Variants in TAX1BP1 observed in about 807,000 individuals in gnomAD.
TAX1BP1 encodes the protein Tax1 binding protein 1, also known as tax1-binding protein 1.
Under a neutral mutation model 97.7 loss-of-function variants are expected in TAX1BP1, and 62 were observed. The ratio of observed to expected loss-of-function variants is 0.63; its 90% CI spans 0.52 to 0.78. The LOEUF (loss-of-function observed/expected upper bound fraction) is 0.78, where lower values mean the gene tolerates loss of function less well. Among genes scored for constraint, TAX1BP1 ranks in the 30% least tolerant of loss-of-function variants. TAX1BP1 has a pLI of 0.00. For missense variants in TAX1BP1, 867 were observed against 916.1 expected (o/e 0.95, Z 0.69); for synonymous variants, 340 against 304.2 (o/e 1.12, Z -1.23).
At chr7:27,739,842 C>CCAG (rs1414449285), upstream of TAX1BP1, 1 of 152,284 alleles carries the variant, frequency 6.6e-6, no homozygotes, top group African/African-American at 2.4e-5. Flanking sequence ...GTCCATGGAC[C>CCAG]TCTGAGCTGC....
At chr7:27,752,798 A>G (rs1282738085) in intron 2 of TAX1BP1, among the ~76,000 whole-genome samples, 6 of 152,340 alleles carry the variant, frequency 3.9e-5, no homozygotes, top group African/African-American at 1.4e-4. Flanking sequence ...GGTTCAGAGA[A>G]TAAAGTGACT....
intron 5 of TAX1BP1, among the ~76,000 whole-genome samples, chr7:27,777,914 G>T (rs1789095910): frequency 6.6e-6 from 1 of 152,176 alleles, no homozygotes; most frequent in African/African-American, 2.4e-5. Context: ...TAGTTTTCAG[G>T]TGGTAGAGTT....
chr7:27,828,136 C>A (rs888632843), intron 16 of TAX1BP1, among the ~76,000 whole-genome samples: 1 of 152,150 alleles, frequency 6.6e-6, no homozygotes, highest in Admixed American at 6.5e-5. Flanking sequence ...TAATAATGCA[C>A]CAATGATCTT....
In TAX1BP1 at chr7:27,748,428, T is replaced by G. The variant is rs1268318253; in HGVS notation, c.-7-90T>G. The G allele has an allele frequency of 3.3e-6, 3 of 902,804 alleles. No individual in the cohort carries two copies. In the East Asian group the frequency reaches 9.4e-5, roughly 28 times the overall value. 55.9% of individuals were successfully genotyped at this position (902,804 alleles called of 1,614,324 possible). ...CTTAATTATGACATGCAAATATTCA[T>G]GAAACTTATATTAAATATTATGTAT... is the stretch of plus-strand genomic sequence containing the variant. On this transcript the variant is annotated intron_variant, in intron 1 of 16. Transcript: ENST00000396319.
intron 15 of TAX1BP1, among the ~76,000 whole-genome samples, chr7:27,821,310 C>G (rs573646474): frequency 1.3e-5 from 2 of 152,096 alleles, no homozygotes; most frequent in Non-Finnish European, 2.9e-5. Context: ...GCCTATTAAA[C>G]TATTTAAAAT....
chr7:27,797,612 G>A (rs1256953816), intron 12 of TAX1BP1, among the ~76,000 whole-genome samples: 1 of 151,636 alleles, frequency 6.6e-6, no homozygotes, highest in Non-Finnish European at 1.5e-5. Context: ...CTTATAAATA[G>A]CAAAATCTTT....
At chr7:27,748,973 A>C (rs1787925979) in intron 2 of TAX1BP1, among the ~76,000 whole-genome samples, 1 of 152,162 alleles carries the variant, frequency 6.6e-6, no homozygotes, top group African/African-American at 2.4e-5. Context: ...GCAATAAAAA[A>C]AGATCTTTTT....
At chr7:27,817,916 A>G (rs548158350) in intron 15 of TAX1BP1, among the ~76,000 whole-genome samples, 72 of 152,272 alleles carry the variant, frequency 4.7e-4, no homozygotes, top group African/African-American at 1.7e-3. Flanking sequence ...TCAGACAGGC[A>G]TGATTTTAGC....
At chr7:27,739,578 G>A (rs1254148333), upstream of TAX1BP1, 1 of 152,198 alleles carries the variant, frequency 6.6e-6, no homozygotes, top group Non-Finnish European at 1.5e-5. Context: ...GGCTAGAAAA[G>A]AGGCCTCTGC....
intron 3 of TAX1BP1, among the ~76,000 whole-genome samples, chr7:27,758,518 A>G (rs967627970): frequency 5.9e-5 from 9 of 152,136 alleles, no homozygotes; most frequent in Non-Finnish European, 1.2e-4. Flanking sequence ...CAGAACTTAT[A>G]GTTATTTGAA....
chr7:27,780,869 T>A (rs946198341), intron 5 of TAX1BP1, among the ~76,000 whole-genome samples: 1 of 152,172 alleles, frequency 6.6e-6, no homozygotes, highest in African/African-American at 2.4e-5. Context: ...TTTGTATTGA[T>A]AAGTACAGAA....
At chr7:27,766,419 C>CAAAAAAAA (rs201297532) in intron 4 of TAX1BP1, among the ~76,000 whole-genome samples, 12 of 76,906 alleles carry the variant, frequency 1.6e-4, no homozygotes, top group Non-Finnish European at 2.0e-4. Context: ...GACTCCGTAT[C>CAAAAAAAA]AAAAAAAAAA....
intron 15 of TAX1BP1, among the ~76,000 whole-genome samples, chr7:27,822,894 G>A (rs561172858): frequency 1.3e-3 from 198 of 152,152 alleles, no homozygotes; most frequent in African/African-American, 3.8e-3. Flanking sequence ...ATGTTTTCTT[G>A]TAAGGGCTTT....
At chr7:27,772,725 A>C (rs1788891201) in intron 5 of TAX1BP1, among the ~76,000 whole-genome samples, 1 of 152,070 alleles carries the variant, frequency 6.6e-6, no homozygotes, top group Non-Finnish European at 1.5e-5. Flanking sequence ...GGATTATTAC[A>C]ACAGATTGGT....
intron 5 of TAX1BP1, among the ~76,000 whole-genome samples, chr7:27,783,488 C>T (rs529861695): frequency 7.9e-5 from 12 of 152,262 alleles, no homozygotes; most frequent in Admixed American, 7.8e-4. Context: ...TATCAGGTGC[C>T]TTTATGGGCA....
chr7:27,820,808 T>TA (rs1790945264), intron 15 of TAX1BP1, among the ~76,000 whole-genome samples: 1 of 152,220 alleles, frequency 6.6e-6, no homozygotes, highest in South Asian at 2.1e-4. Flanking sequence ...TTCTTAGATA[T>TA]GACACCAACA....
At chr7:27,812,750 C>T (rs1331711386) in intron 13 of TAX1BP1, among the ~76,000 whole-genome samples, 2 of 152,186 alleles carry the variant, frequency 1.3e-5, no homozygotes, top group Middle Eastern at 3.4e-3. Flanking sequence ...ATAGAATTTC[C>T]TCTACATCTT....
intron 5 of TAX1BP1, among the ~76,000 whole-genome samples, chr7:27,771,465 G>T (rs1176080804): frequency 6.6e-6 from 1 of 151,650 alleles, no homozygotes; most frequent in African/African-American, 2.4e-5. Flanking sequence ...GCCTTCATTT[G>T]TGTGAAATTA....
chr7:27,750,501 T>C (rs1787982191), intron 2 of TAX1BP1, among the ~76,000 whole-genome samples: 1 of 152,196 alleles, frequency 6.6e-6, no homozygotes, highest in Non-Finnish European at 1.5e-5. Flanking sequence ...GGAATGTTCA[T>C]GAGAATGAGT....
Sources: allele counts gnomAD v4.1 joint callset (sites outside exome capture counted in the v4.1 genomes callset), GRCh38; gene constraint gnomAD v4.1.1; transcripts MANE v1.5; gene names NCBI Gene and HGNC (gene_info 2026-07-23, HGNC 2026-07-21).